Variants in PIEZO1 observed in about 807,000 individuals in gnomAD.
The protein encoded by PIEZO1 is piezo-type mechanosensitive ion channel component 1.
In PIEZO1, 296 loss-of-function variants were observed where a neutral mutation model predicts 297.2. The observed-to-expected ratio is 1.00, with a 90% CI of 0.91 to 1.10. The LOEUF (loss-of-function observed/expected upper bound fraction) is 1.10. Among genes scored for constraint, PIEZO1 ranks in the 50% least tolerant of loss-of-function variants. PIEZO1 has a pLI of 0.00. For missense variants in PIEZO1, 5,018 were observed against 3,455.5 expected (o/e 1.45, Z -11.34); for synonymous variants, 2,427 against 1,507.5 (o/e 1.61, Z -14.13).
At chr16:88,716,956 G>C (rs552817792) in intron 45 of PIEZO1, 58 bp from the exon 46 acceptor site, 3 of 1,545,524 alleles carry the variant, frequency 1.9e-6, no homozygotes, top group East Asian at 2.4e-5. Context: ...GCGGCTGGGG[G>C]TGGTGCACCA....
chr16:88,742,754 T>C lies in PIEZO1; in HGVS notation c.161-332A>G, dbSNP rs1215977243. ...GCAAATACCTGTCACCGTTCAGTTG[T>C]GGAAGCAGAGGAAATAGACACAAGG... On this transcript the variant is annotated intron_variant, in intron 2 of 50. Transcript: ENST00000301015. 5 of 361,758 alleles carry C rather than the reference T, an allele frequency of 1.4e-5. No homozygotes were observed. In the Admixed American group the frequency reaches 2.1e-4, roughly 15 times the overall value. 22.4% of individuals were successfully genotyped at this position (361,758 alleles called of 1,614,324 possible). A position where few individuals can be genotyped will look rare whatever the true frequency, so the allele number is the denominator to read the frequency against.
In PIEZO1 at chr16:88,725,666, G is replaced by A. The variant is rs370458253; in HGVS notation, c.3987C>T (p.Asn1329=). 188 of 1,546,036 alleles carry A rather than the reference G, an allele frequency of 1.2e-4. 1 individual carries two copies. In the South Asian group the frequency reaches 1.7e-3, roughly 14 times the overall value. ...AGTCAATGCTCTTGAGGTTGGCAGC[G>A]TTGTAGAGGGCGAAGCCCCTGTAGG... ...LLASRGFALY[N]AANLKSIDFH... The change falls in exon 28 of 51, where the codon AAC becomes AAT. Residue 1329 remains asparagine (N), a synonymous_variant. Coordinates refer to ENST00000301015, the MANE Select transcript of PIEZO1 (RefSeq NM_001142864.4).
rs1330484418 is a variant in PIEZO1 at position 88,717,068 on chromosome 16, G to C, written c.6615C>G (p.Asn2205Lys). ...SLVRSVVGVV[N>K]QPIDVTVTLK... ...GGGTGACGGTGACATCGATGGGCTG[G>C]TTGACAACCCCAACCACGGAGCGCA... Residue 2205 changes from asparagine (N) to lysine (K), a missense_variant, in exon 45 of 51, where the codon AAC (asparagine) becomes AAG (lysine). By Grantham distance (94) the Asn-to-Lys change is moderately conservative. Coordinates refer to ENST00000301015, the MANE Select transcript of PIEZO1 (RefSeq NM_001142864.4). 6.4e-7 allele frequency: 1 copy of C among 1,550,868 alleles called. No homozygotes were observed. Among genetic ancestry groups the C allele is most frequent in the African/African-American group, 1.4e-5 (1 of 73,054 alleles).
intron 27 of PIEZO1, chr16:88,725,893 GCGT>G: frequency 1.7e-6 from 1 of 582,192 alleles, no homozygotes; most frequent in Admixed American, 3.2e-5. Flanking sequence ...AGATGCAGGG[GCGT>G]CTGGTGGCAC....
chr16:88,724,933 TAGC>T, intron 30 of PIEZO1, 73 bp downstream of exon 30: 4 of 935,778 alleles, frequency 4.3e-6, no homozygotes, highest in Non-Finnish European at 6.1e-6. Flanking sequence ...GAGGGGAAGA[TAGC>T]AGGCCAGGCA....
At chr16:88,748,492 C>G (rs1003990700) in intron 2 of PIEZO1, among the ~76,000 whole-genome samples, 23 of 113,870 alleles carry the variant, frequency 2.0e-4, no homozygotes, top group Admixed American at 4.5e-4. Flanking sequence ...CTCAGCTCCC[C>G]CCCCCCCCCG....
chr16:88,732,183 C>T (rs1904895172), intron 21 of PIEZO1, among the ~76,000 whole-genome samples, 152 bp downstream of exon 21: 1 of 151,990 alleles, frequency 6.6e-6, no homozygotes, highest in South Asian at 2.1e-4. Context: ...CCACAGGAGT[C>T]CAGGGAAGCC....
Position 88,725,575 on chromosome 16 carries a change from C to T in PIEZO1, c.4058+20G>A, listed in dbSNP as rs991481384. 6.5e-7 allele frequency: 1 copy of T among 1,536,776 alleles called. No homozygotes were observed. Among genetic ancestry groups the T allele is most frequent in the African/African-American group, 1.4e-5 (1 of 72,780 alleles). ...CATTGGGGGGAGGAGCCGGGGAGTC[C>T]CCGCCCCAGAGGCACCTACTGTCTT... On this transcript the variant is annotated intron_variant, in intron 28 of 50. Transcript: ENST00000301015.
Position 88,726,577 on chromosome 16 carries a change from G to A in PIEZO1, c.3766C>T (p.Leu1256Phe). The change falls in exon 26 of 51, where the codon CTT becomes TTT. Residue 1256 changes from leucine to phenylalanine, a missense_variant. Transcript: ENST00000301015. ...TAGTAGCCCTTGACGGTGCATACAA[G>A]GCTGAAGAGCTGGATGACCCAGCAG... is the stretch of plus-strand genomic sequence containing the variant. Reference protein sequence around the residue: ...GFCWVIQLFSLVCTVKGYYDP... With the variant: ...GFCWVIQLFSFVCTVKGYYDP... The A allele has an allele frequency of 1.9e-6, 3 of 1,550,210 alleles. No homozygotes were observed. Among genetic ancestry groups the A allele is most frequent in the South Asian group, 1.2e-5 (1 of 84,066 alleles).
At position 88,722,252 on chromosome 16, in the gene PIEZO1, G is replaced by A; in HGVS notation, c.4921C>T (p.Leu1641=). Residue 1641 remains leucine (L), a synonymous_variant, in exon 36 of 51, where the codon CTG becomes TTG. Transcript: ENST00000301015. ...REAGASLYQG[L]MRTASELLLD... ...AGCAGCTCGCTGGCCGTCCGCATCAGTCCCTGGTACAGAGAGGCACCAGCC... is the reference window on the plus strand; with the variant it reads ...AGCAGCTCGCTGGCCGTCCGCATCAATCCCTGGTACAGAGAGGCACCAGCC... 1 of 1,548,216 alleles carries A rather than the reference G, an allele frequency of 6.5e-7. No homozygotes were observed. Among genetic ancestry groups the A allele is most frequent in the Non-Finnish European group, 8.7e-7 (1 of 1,146,836 alleles).
intron 1 of PIEZO1, among the ~76,000 whole-genome samples, chr16:88,780,074 G>A (rs1907860490): frequency 1.3e-5 from 2 of 152,124 alleles, no homozygotes; most frequent in Admixed American, 6.5e-5. Flanking sequence ...GAGCAAGATA[G>A]GGTCGGCTGC....
intron 20 of PIEZO1, 30 bp from the exon 21 acceptor site, chr16:88,732,565 G>A (rs769136117): frequency 7.8e-5 from 121 of 1,542,802 alleles, no homozygotes; most frequent in Admixed American, 3.7e-4. Context: ...GGGGGCAGCC[G>A]GGTACTCGCC....
chr16:88,757,331 G>GAGGT, intron 1 of PIEZO1, among the ~76,000 whole-genome samples: 1 of 117,412 alleles, frequency 8.5e-6, no homozygotes, highest in African/African-American at 4.2e-5. Context: ...GGGGGGTGGG[G>GAGGT]GGTAGTTACC....
rs973943297 is a variant in PIEZO1 at position 88,732,700 on chromosome 16, C to T, written c.2697G>A (p.Thr899=). ...PFPNSTNLLP[T]EISQSLLYRG... ...GGTACAGCAGGGACTGGCTGATCTC[C>T]GTGGGCAGCAAGTTGGTGCTGTTGG... Residue 899 remains threonine (T), a synonymous_variant, in exon 20 of 51, where the codon ACG becomes ACA. Coordinates refer to ENST00000301015, the MANE Select transcript of PIEZO1 (RefSeq NM_001142864.4). The T allele has an allele frequency of 6.5e-7, 1 of 1,549,026 alleles. No homozygotes were observed. Among genetic ancestry groups the T allele is most frequent in the Non-Finnish European group, 8.7e-7 (1 of 1,146,170 alleles).
rs538276830 is a variant in PIEZO1 at position 88,736,791 on chromosome 16, C to T, written c.1196-52G>A. Reference sequence around the variant, plus strand: ...CGGCAGGTTGATCTGCAGGCCTCCCCACCCTGACTATGCCCTAAAATCTGG... The same window carrying T: ...CGGCAGGTTGATCTGCAGGCCTCCCTACCCTGACTATGCCCTAAAATCTGG... On this transcript the variant is annotated intron_variant, in intron 10 of 50. Transcript: ENST00000301015. 1.1e-5 allele frequency: 12 copies of T among 1,129,528 alleles called. 1 individual carries two copies. Among genetic ancestry groups the T allele is most frequent in the Middle Eastern group, 2.1e-4 (1 of 4,682 alleles). 70.0% of individuals were successfully genotyped at this position (1,129,528 alleles called of 1,614,324 possible).
At chr16:88,730,250 A>G (rs9972645) in intron 22 of PIEZO1, among the ~76,000 whole-genome samples, 144,217 of 152,326 alleles carry the variant, frequency 0.95, 68,332 homozygotes, top group East Asian at 1. Context: ...TGTGAGCACA[A>G]GGCTGGGCCT....
Position 88,725,698 on chromosome 16 carries a change from G to T in PIEZO1, c.3969-14C>A. On this transcript the variant is annotated splice_polypyrimidine_tract_variant and intron_variant, in intron 27 of 50. Transcript: ENST00000301015. ...AGGGCGAAGCCCCTGTAGGGAGGCG[G>T]GGATGGGGTGTGAGCACCAGGCACT... 7.1e-7 allele frequency: 1 copy of T among 1,405,570 alleles called. No homozygotes were observed. Among genetic ancestry groups the T allele is most frequent in the Non-Finnish European group, 9.8e-7 (1 of 1,015,392 alleles). The allele number at this position is 1,405,570 out of a possible 1,614,324, so 87.1% of individuals were successfully genotyped here.
chr16:88,725,745 C>T, intron 27 of PIEZO1, 61 bp from the exon 28 acceptor site: 3 of 844,784 alleles, frequency 3.6e-6, no homozygotes, highest in South Asian at 2.9e-5. Flanking sequence ...ACATGGGCAG[C>T]CGCCGCTCCC....
chr16:88,741,452 C>T, intron 5 of PIEZO1, 26 bp downstream of exon 5: 1 of 1,522,700 alleles, frequency 6.6e-7, no homozygotes, highest in South Asian at 1.2e-5. Context: ...ACCTCCCTGA[C>T]ACACGGGTGA....
Sources: allele counts gnomAD v4.1 joint callset (sites outside exome capture counted in the v4.1 genomes callset), GRCh38; gene constraint gnomAD v4.1.1; transcripts MANE v1.5; gene names NCBI Gene and HGNC (gene_info 2026-07-23, HGNC 2026-07-21).